F8: variants seen among roughly 807,000 people sequenced by gnomAD.
F8 encodes coagulation factor VIII, also known as antihemophilic factor.
In F8, 12 loss-of-function variants were observed where a neutral mutation model predicts 140.6. That is an observed-to-expected ratio of 0.09 (90% CI 0.05 to 0.14). The LOEUF is 0.14. Ranked by LOEUF, F8 falls within the 10% of genes least tolerant of loss-of-function variation. The pLI, the probability that F8 is intolerant of heterozygous loss-of-function variation, is 1.00. For missense variants in F8, 1,354 were observed against 1,720.7 expected (o/e 0.79, Z 3.77); for synonymous variants, 585 against 614.6 (o/e 0.95, Z 0.71).
intron 6 of F8, chrX:154,977,242 T>C (rs1011021987): frequency 4.5e-5 from 5 of 112,043 alleles, no homozygotes; most frequent in Non-Finnish European, 9.4e-5. Flanking sequence ...TAACAGGTTA[T>C]GGTAATTATT....
chrX:154,982,663 C>T (rs929463696), intron 6 of F8, among the ~76,000 whole-genome samples: 6 of 110,485 alleles, frequency 5.4e-5, no homozygotes, highest in African/African-American at 9.9e-5. Flanking sequence ...AGTATTAAAT[C>T]GCAACTGCAT....
chrX:154,953,785 GT>G, intron 12 of F8, 106 bp downstream of exon 12: 1 of 943,207 alleles, frequency 1.1e-6, no homozygotes, highest in East Asian at 3.1e-5. Flanking sequence ...TAACATAATT[GT>G]TAAATTTATG....
At chrX:154,877,219 G>A (rs2072823503) in intron 22 of F8, among the ~76,000 whole-genome samples, 1 of 111,952 alleles carries the variant, frequency 8.9e-6, no homozygotes, top group Non-Finnish European at 1.9e-5. Flanking sequence ...CATGGCAAGA[G>A]GGATTTAAGG....
intron 22 of F8, among the ~76,000 whole-genome samples, chrX:154,864,757 T>C (rs1401029452): frequency 9.0e-6 from 1 of 111,587 alleles, no homozygotes; most frequent in East Asian, 2.8e-4. Context: ...AAGAAAGAAT[T>C]TGTAAACTTG....
rs1188992161 is a variant in F8 at position 154,863,121 on chromosome X, C to T, written c.6536G>A (p.Ser2179Asn). ...RLHPTHYSIR[S>N]TLRMELMGCD... ...GCCCATCAACTCCATGCGAAGAGTG[C>T]TGCGAATGCTATAATGAGTTGGGTG... Residue 2179 changes from serine to asparagine, a missense_variant, in exon 23 of 26, where the codon AGC becomes AAC. By Grantham distance (46) the Ser-to-Asn change is conservative. Transcript: ENST00000360256. 3.3e-6 allele frequency: 4 copies of T among 1,209,114 alleles called. No homozygotes were observed. Among genetic ancestry groups the T allele is most frequent in the Non-Finnish European group, 1.1e-6 (1 of 894,319 alleles).
chrX:154,850,640 G>C (rs1557272097), intron 25 of F8, among the ~76,000 whole-genome samples: 1 of 110,288 alleles, frequency 9.1e-6, no homozygotes, highest in Non-Finnish European at 1.9e-5. Flanking sequence ...TCGTTGGCTT[G>C]TAGGTGTCTG....
intron 22 of F8, among the ~76,000 whole-genome samples, chrX:154,870,968 T>C (rs1395735817): frequency 9.0e-6 from 1 of 111,282 alleles, no homozygotes; most frequent in Non-Finnish European, 1.9e-5. Flanking sequence ...GAAAATAAAA[T>C]ACCTACGAAT....
chrX:154,993,261 T>TTTGCTG (rs1557284834), intron 3 of F8, 113 bp from the exon 4 acceptor site: 15 of 632,162 alleles, frequency 2.4e-5, no homozygotes, highest in Admixed American at 3.0e-5. Context: ...TTTCTGCATC[T>TTTGCTG]TTGTTGTTGT....
chrX:155,018,908 A>C (rs782093550), intron 1 of F8, among the ~76,000 whole-genome samples: 1 of 112,349 alleles, frequency 8.9e-6, no homozygotes, highest in Non-Finnish European at 1.9e-5. Flanking sequence ...CAATAGAAAA[A>C]GATGGAGTAC....
chrX:155,014,741 C>A (rs1251787589), intron 1 of F8, among the ~76,000 whole-genome samples: 1 of 112,025 alleles, frequency 8.9e-6, no homozygotes, highest in Non-Finnish European at 1.9e-5. Flanking sequence ...AAGAACTACT[C>A]TGTAGGCTAC....
chrX:154,846,286 A>T (rs2072565526), intron 25 of F8, among the ~76,000 whole-genome samples: 1 of 111,831 alleles, frequency 8.9e-6, no homozygotes, highest in Non-Finnish European at 1.9e-5. Flanking sequence ...AGTTCTGTAG[A>T]TGTCTATTAG....
intron 25 of F8, among the ~76,000 whole-genome samples, chrX:154,856,409 G>A (rs2072651527): frequency 1.8e-5 from 2 of 112,473 alleles, no homozygotes; most frequent in South Asian, 3.6e-4. Context: ...ACTGCCAAAG[G>A]CAAGGTAAGT....
At chrX:154,943,064 C>T (rs1301940124) in intron 13 of F8, among the ~76,000 whole-genome samples, 7 of 111,869 alleles carry the variant, frequency 6.3e-5, no homozygotes, top group Non-Finnish European at 1.3e-4. Flanking sequence ...CAATATCATA[C>T]TGAATGGGCA....
chrX:154,860,333 A>G, intron 25 of F8, 99 bp downstream of exon 25: 3 of 928,716 alleles, frequency 3.2e-6, no homozygotes, highest in Non-Finnish European at 4.6e-6. Context: ...TTTTGCTCTG[A>G]AAATTTGGTC....
At chrX:155,020,719 T>C (rs2073756071) in intron 1 of F8, among the ~76,000 whole-genome samples, 2 of 111,624 alleles carry the variant, frequency 1.8e-5, no homozygotes, top group East Asian at 2.8e-4. Flanking sequence ...ATAAATCCAA[T>C]AGCCAACAAG....
intron 22 of F8, among the ~76,000 whole-genome samples, chrX:154,867,690 C>CAAAAAAAAAAAAAAAA (rs373471645): frequency 3.8e-4 from 16 of 41,689 alleles, no homozygotes; most frequent in Non-Finnish European, 5.0e-4. Flanking sequence ...GACTCTGTCT[C>CAAAAAAAAAAAAAAAA]AAAAAAAAAA....
intron 6 of F8, among the ~76,000 whole-genome samples, chrX:154,981,908 G>A (rs1411725698): frequency 3.6e-5 from 4 of 111,776 alleles, no homozygotes; most frequent in Non-Finnish European, 7.5e-5. Flanking sequence ...GGAGATGGCC[G>A]GATGCAGTGG....
chrX:154,996,150 A>T (rs5987077), intron 3 of F8, among the ~76,000 whole-genome samples: 43,251 of 111,014 alleles, frequency 0.39, 7,514 homozygotes, highest in African/African-American at 0.68. Flanking sequence ...TGAACTACGA[A>T]TACATGTAAC....
intron 3 of F8, among the ~76,000 whole-genome samples, chrX:154,996,064 T>G (rs1279662685): frequency 1.8e-5 from 2 of 111,818 alleles, no homozygotes; most frequent in Non-Finnish European, 3.8e-5. Context: ...CTCTCCCTGA[T>G]GTCAGCAGAA....
Sources: gnomAD v4.1 joint callset for allele counts (sites outside exome capture counted in the v4.1 genomes callset) on GRCh38, gnomAD v4.1.1 for gene constraint, MANE v1.5 for transcripts, NCBI Gene and HGNC (gene_info 2026-07-23, HGNC 2026-07-21) for gene names.